The following CNTN5 variants were observed in gnomAD, a reference collection of about 807,000 sequenced individuals.
The protein encoded by CNTN5 is contactin-5.
CNTN5 carries 77 observed loss-of-function variants against 129.1 expected under a neutral mutation model. The observed-to-expected ratio is 0.60, with a 90% CI of 0.50 to 0.72. CNTN5 has a LOEUF of 0.72. CNTN5 is among the 30% of genes least tolerant of loss of function. The pLI, the probability that CNTN5 is intolerant of heterozygous loss-of-function variation, is 0.00. For synonymous variants in CNTN5, 509 were observed against 465.6 expected (o/e 1.09, Z -1.20); for missense variants, 1,478 against 1,328.8 (o/e 1.11, Z -1.75).
chr11:100,285,814 C>T (rs527460378), intron 18 of CNTN5, among the ~76,000 whole-genome samples: 6 of 152,218 alleles, frequency 3.9e-5, no homozygotes, highest in South Asian at 2.1e-4. Context: ...ACGCAGAAGA[C>T]GGGTGATTTC....
intron 1 of CNTN5, among the ~76,000 whole-genome samples, chr11:99,283,397 T>G (rs2135895504): frequency 6.6e-6 from 1 of 151,840 alleles, no homozygotes; most frequent in South Asian, 2.1e-4. Context: ...CACATGCACA[T>G]GTGCACACAC....
intron 3 of CNTN5, among the ~76,000 whole-genome samples, chr11:99,784,420 T>C (rs1423827118): frequency 6.6e-6 from 1 of 152,106 alleles, no homozygotes; most frequent in Non-Finnish European, 1.5e-5. Context: ...GTTCCTGTGT[T>C]AATTTGCTGA....
At chr11:99,972,241 A>G (rs945297168) in intron 8 of CNTN5, among the ~76,000 whole-genome samples, 18 of 152,220 alleles carry the variant, frequency 1.2e-4, no homozygotes, top group African/African-American at 4.3e-4. Flanking sequence ...AGCCTGGGCG[A>G]CAGGGCGAGA....
intron 3 of CNTN5, among the ~76,000 whole-genome samples, chr11:99,561,857 C>G (rs141584989): frequency 6.6e-6 from 1 of 152,068 alleles, no homozygotes; most frequent in African/African-American, 2.4e-5. Flanking sequence ...AAGAGCATTA[C>G]ATAAATACTA....
intron 1 of CNTN5, among the ~76,000 whole-genome samples, chr11:99,046,225 A>T (rs1281840076): frequency 6.6e-6 from 1 of 152,082 alleles, no homozygotes. Context: ...CTGTAATCCC[A>T]GCTACTTGGG....
chr11:99,722,552 A>C (rs1386191009), intron 3 of CNTN5, among the ~76,000 whole-genome samples: 1 of 152,086 alleles, frequency 6.6e-6, no homozygotes, highest in Non-Finnish European at 1.5e-5. Flanking sequence ...TGGGTAATTA[A>C]ATAATATCTA....
chr11:99,227,364 A>C (rs1344828247), intron 1 of CNTN5, among the ~76,000 whole-genome samples: 7 of 151,970 alleles, frequency 4.6e-5, no homozygotes, highest in African/African-American at 1.7e-4. Context: ...TGTCTCAAAA[A>C]AAAAAAAAGA....
chr11:99,616,887 G>A (rs949437208), intron 3 of CNTN5, among the ~76,000 whole-genome samples: 6 of 152,210 alleles, frequency 3.9e-5, no homozygotes, highest in South Asian at 2.1e-4. Context: ...GAGGCGGGTC[G>A]ATGACCTGAG....
intron 1 of CNTN5, among the ~76,000 whole-genome samples, chr11:99,219,040 CTTA>C (rs1195225031): frequency 6.6e-6 from 1 of 151,992 alleles, no homozygotes; most frequent in Non-Finnish European, 1.5e-5. Flanking sequence ...TAACACCCAT[CTTA>C]TTATTGCCTT....
At chr11:99,712,647 A>T (rs1165937894) in intron 3 of CNTN5, among the ~76,000 whole-genome samples, 1 of 152,000 alleles carries the variant, frequency 6.6e-6, no homozygotes, top group African/African-American at 2.4e-5. Flanking sequence ...TTTTGAGTTA[A>T]TTTTTGTATA....
chr11:100,305,604 A>G (rs12799492), intron 20 of CNTN5, among the ~76,000 whole-genome samples: 1,825 of 151,750 alleles, frequency 0.012, 18 homozygotes, highest in Middle Eastern at 0.037. Flanking sequence ...TCCATTTGCA[A>G]CTTTCCATCA....
chr11:100,287,338 T>C (rs1950821038), intron 18 of CNTN5, among the ~76,000 whole-genome samples: 2 of 149,458 alleles, frequency 1.3e-5, no homozygotes, highest in African/African-American at 5.0e-5. Flanking sequence ...AAGGAAAAAA[T>C]GTTAAGGGCA....
Position 100,358,566 on chromosome 11 carries a change from G to A in CNTN5, c.*2346G>A, listed in dbSNP as rs891025412. ...CAAGGTACATTATTTTTCAGCTACA[G>A]TACTGAGTTTTTTCTGCTATGGGAT... On this transcript the variant is annotated 3_prime_UTR_variant, in exon 25 of 25. Transcript: ENST00000524871. 3 of 151,814 alleles carry A rather than the reference G, an allele frequency of 2.0e-5. No homozygotes were observed. Among genetic ancestry groups the A allele is most frequent in the Non-Finnish European group, 4.4e-5 (3 of 67,840 alleles). 9.4% of individuals were successfully genotyped at this position (151,814 alleles called of 1,614,324 possible).
At chr11:99,990,527 T>C (rs1939011424) in intron 8 of CNTN5, among the ~76,000 whole-genome samples, 1 of 151,360 alleles carries the variant, frequency 6.6e-6, no homozygotes, top group South Asian at 2.1e-4. Context: ...ATGATAAAAC[T>C]CTCTAGGTTT....
intron 1 of CNTN5, among the ~76,000 whole-genome samples, chr11:99,288,512 C>T (rs1864037477): frequency 6.6e-6 from 1 of 151,776 alleles, no homozygotes; most frequent in Admixed American, 6.6e-5. Flanking sequence ...TGTAATTGAT[C>T]TTAGTGTTAT....
chr11:99,962,331 C>T (rs917331087), intron 8 of CNTN5, among the ~76,000 whole-genome samples: 8 of 145,136 alleles, frequency 5.5e-5, no homozygotes, highest in Non-Finnish European at 1.1e-4. Context: ...CAACAAGCCC[C>T]GGTGTGAGAT....
Position 99,911,390 on chromosome 11 carries a change from A to G in CNTN5, c.578-4664A>G, listed in dbSNP as rs192719907. Among the ~76,000 whole-genome samples the G allele has an allele frequency of 3.3e-3, 509 of 152,012 alleles. 3 individuals carry two copies. Among genetic ancestry groups the G allele is most frequent in the African/African-American group, 0.012 (484 of 41,512 alleles). On this transcript the variant is annotated intron_variant, in intron 6 of 24. Transcript: ENST00000524871. ...CAAACACACCTCCTATAAGCTCAAC[A>G]TTGCCACTTATTCAGAACAGACTTA...
intron 9 of CNTN5, among the ~76,000 whole-genome samples, chr11:100,046,649 A>G (rs1423363096): frequency 6.6e-6 from 1 of 152,150 alleles, no homozygotes; most frequent in East Asian, 1.9e-4. Flanking sequence ...AAACATATGT[A>G]TTCATTATTC....
chr11:99,164,146 T>C (rs903949131), intron 1 of CNTN5, among the ~76,000 whole-genome samples: 1 of 151,790 alleles, frequency 6.6e-6, no homozygotes, highest in African/African-American at 2.4e-5. Context: ...GCCAACATGG[T>C]GAAACCCTGT....
Sources: gnomAD v4.1 joint callset for allele counts (sites outside exome capture counted in the v4.1 genomes callset) on GRCh38, gnomAD v4.1.1 for gene constraint, MANE v1.5 for transcripts, NCBI Gene and HGNC (gene_info 2026-07-23, HGNC 2026-07-21) for gene names.